CD247: variants seen among roughly 807,000 people sequenced by gnomAD.
The protein encoded by CD247 is T-cell surface glycoprotein CD3 zeta chain.
Under a neutral mutation model 30.0 loss-of-function variants are expected in CD247, and 13 were observed. That is an observed-to-expected ratio of 0.43 (90% CI 0.28 to 0.69). The LOEUF (loss-of-function observed/expected upper bound fraction) is 0.69, where lower values mean the gene tolerates loss of function less well. CD247 is among the 30% of genes least tolerant of loss of function. The probability of loss-of-function intolerance (pLI) is 0.16; values close to 1 mark genes in which losing one functional copy is unlikely to be tolerated. For missense variants in CD247, 193 were observed against 212.6 expected, an observed-to-expected ratio of 0.91 and a Z score of 0.57; for synonymous variants, 72 against 80.0, an observed-to-expected ratio of 0.90 and a Z score of 0.53.
At chr1:167,473,926 C>G (rs1321041176) in intron 1 of CD247, among the ~76,000 whole-genome samples, 1 of 152,140 alleles carries the variant, frequency 6.6e-6, no homozygotes, top group Non-Finnish European at 1.5e-5. Flanking sequence ...CTTGGTTGCA[C>G]CTTGCATATC....
intron 1 of CD247, among the ~76,000 whole-genome samples, chr1:167,493,329 C>T (rs891461247): frequency 6.6e-6 from 1 of 152,144 alleles, no homozygotes; most frequent in Non-Finnish European, 1.5e-5. Context: ...AGGTGTGAGC[C>T]ACCGCACCTG....
At chr1:167,435,561 C>T in intron 4 of CD247, 127 bp from the exon 5 acceptor site, 1 of 782,696 alleles carries the variant, frequency 1.3e-6, no homozygotes, top group Non-Finnish European at 2.3e-6. Context: ...TCTCTCCTCC[C>T]TGTGCTACCC....
At chr1:167,473,865 G>A (rs902478301) in intron 1 of CD247, among the ~76,000 whole-genome samples, 7 of 152,152 alleles carry the variant, frequency 4.6e-5, no homozygotes, top group South Asian at 2.1e-4. Context: ...ACTGACTCAC[G>A]GATCTGCTAG....
intron 1 of CD247, among the ~76,000 whole-genome samples, chr1:167,475,663 A>G (rs1011309755): frequency 2.0e-5 from 3 of 152,238 alleles, no homozygotes; most frequent in African/African-American, 7.2e-5. Flanking sequence ...ATCAACCTCC[A>G]GATTCAACAG....
At chr1:167,459,158 C>A (rs2102026860) in intron 1 of CD247, among the ~76,000 whole-genome samples, 1 of 149,930 alleles carries the variant, frequency 6.7e-6, no homozygotes, top group Non-Finnish European at 1.5e-5. Flanking sequence ...AAAAAAAAAT[C>A]ATGGGGAGAA....
intron 1 of CD247, among the ~76,000 whole-genome samples, chr1:167,517,138 C>G (rs924596557): frequency 6.6e-6 from 1 of 152,232 alleles, no homozygotes; most frequent in African/African-American, 2.4e-5. Context: ...CTCTGCCACA[C>G]TGTGTGTGTG....
intron 1 of CD247, among the ~76,000 whole-genome samples, chr1:167,441,780 G>T (rs895660747): frequency 1.4e-4 from 21 of 152,260 alleles, no homozygotes; most frequent in Admixed American, 9.2e-4. Flanking sequence ...ATGGGCTGAA[G>T]AATGCAGATA....
chr1:167,439,216 T>C (rs1032667595), intron 3 of CD247, 128 bp downstream of exon 3: 1 of 814,534 alleles, frequency 1.2e-6, no homozygotes, highest in Non-Finnish European at 2.2e-6. Flanking sequence ...TTAAACAAGT[T>C]GCAGCCGGGT....
intron 1 of CD247, among the ~76,000 whole-genome samples, chr1:167,489,768 C>A (rs796882209): frequency 3.3e-5 from 5 of 152,222 alleles, no homozygotes; most frequent in Admixed American, 6.5e-5. Context: ...GGGCAGCCCC[C>A]TCCTGGGCTC....
chr1:167,451,439 C>G (rs2102011025), intron 1 of CD247, among the ~76,000 whole-genome samples: 1 of 152,328 alleles, frequency 6.6e-6, no homozygotes, highest in East Asian at 1.9e-4. Flanking sequence ...AAAATCCAGG[C>G]TATACTGCCA....
intron 1 of CD247, among the ~76,000 whole-genome samples, chr1:167,486,270 C>A (rs1654202855): frequency 6.6e-6 from 1 of 152,194 alleles, no homozygotes; most frequent in Non-Finnish European, 1.5e-5. Context: ...CAGGACCTGC[C>A]CGAATCACCA....
chr1:167,465,243 G>A (rs1340810007), intron 1 of CD247, among the ~76,000 whole-genome samples: 1 of 151,360 alleles, frequency 6.6e-6, no homozygotes, highest in Non-Finnish European at 1.5e-5. Flanking sequence ...CCTGCCTCCA[G>A]TGGCCAGTCC....
At chr1:167,493,626 G>A (rs1328349001) in intron 1 of CD247, among the ~76,000 whole-genome samples, 1 of 152,166 alleles carries the variant, frequency 6.6e-6, no homozygotes, top group Non-Finnish European at 1.5e-5. Context: ...TCACACAGCT[G>A]GAATGTGGCA....
intron 1 of CD247, among the ~76,000 whole-genome samples, chr1:167,510,043 A>G (rs932185972): frequency 1.3e-5 from 2 of 152,166 alleles, no homozygotes; most frequent in Non-Finnish European, 2.9e-5. Context: ...TCCCTGGAAC[A>G]TGATCTGTGA....
intron 1 of CD247, among the ~76,000 whole-genome samples, chr1:167,503,431 G>C (rs13376681): frequency 0.039 from 5,895 of 152,250 alleles, 160 homozygotes; most frequent in African/African-American, 0.068. Context: ...ATGCCAAGAG[G>C]GGTGAAATTA....
chr1:167,432,998 A>G (rs1193036457), intron 7 of CD247, 26 bp downstream of exon 7: 2 of 1,612,446 alleles, frequency 1.2e-6, no homozygotes, highest in Non-Finnish European at 1.7e-6. Flanking sequence ...TGCCCCTTCC[A>G]CTGAAGGGAC....
rs192562493 is a variant in CD247 at position 167,479,546 on chromosome 1, T to C, written c.59-38779A>G. Among the ~76,000 whole-genome samples the C allele has an allele frequency of 2.0e-5, 3 of 152,216 alleles. No homozygotes were observed. In the East Asian group the frequency reaches 5.8e-4, roughly 29 times the overall value. ...CAGCGGTGGCCATGCCTCCCCCTGTTCAAAAATCACCCCAGGAGTTCAGGT... is the reference window on the plus strand; with the variant it reads ...CAGCGGTGGCCATGCCTCCCCCTGTCCAAAAATCACCCCAGGAGTTCAGGT... On this transcript the variant is annotated intron_variant, in intron 1 of 7. Coordinates refer to ENST00000362089, the MANE Select transcript of CD247 (RefSeq NM_198053.3).
intron 1 of CD247, among the ~76,000 whole-genome samples, chr1:167,446,622 C>T (rs183928509): frequency 1.4e-4 from 21 of 152,306 alleles, no homozygotes; most frequent in Admixed American, 8.5e-4. Context: ...CATCATGCCA[C>T]GGTTGGGGAC....
Position 167,448,280 on chromosome 1 carries a change from C to A in CD247, c.59-7513G>T, listed in dbSNP as rs1015164809. The A allele has an allele frequency of 6.1e-6, 5 of 818,322 alleles. No homozygotes were observed. In the African/African-American group the frequency reaches 9.3e-5, roughly 15 times the overall value. 50.7% of individuals were successfully genotyped at this position (818,322 alleles called of 1,614,324 possible). ...TAATAACATGCCTAATGTCTACAGC[C>A]AGGGTTGAATCCAGGCACATCTGGA... On this transcript the variant is annotated intron_variant, in intron 1 of 7. Transcript: ENST00000362089.
Sources: gnomAD v4.1 joint callset for allele counts (sites outside exome capture counted in the v4.1 genomes callset) on GRCh38, gnomAD v4.1.1 for gene constraint, MANE v1.5 for transcripts, NCBI Gene and HGNC (gene_info 2026-07-23, HGNC 2026-07-21) for gene names.